Variants in SNX29 observed in about 807,000 individuals in gnomAD.
SNX29 encodes sorting nexin-29.
In SNX29, 78 loss-of-function variants were observed where a neutral mutation model predicts 102.1. The ratio of observed to expected loss-of-function variants is 0.76; its 90% CI spans 0.64 to 0.92. The LOEUF (loss-of-function observed/expected upper bound fraction) is 0.92, where lower values mean the gene tolerates loss of function less well. SNX29 is among the 40% of genes least tolerant of loss of function. SNX29 has a pLI of 0.00. For missense variants in SNX29, 1,280 were observed against 1,061.7 expected (o/e 1.21, Z -2.86); for synonymous variants, 580 against 414.5 (o/e 1.40, Z -4.85).
intron 11 of SNX29, among the ~76,000 whole-genome samples, 174 bp from the exon 12 acceptor site, chr16:12,126,459 A>C (rs2054218007): frequency 6.6e-6 from 1 of 152,238 alleles, no homozygotes; most frequent in Non-Finnish European, 1.5e-5. Flanking sequence ...GTGCTCTAAA[A>C]TCCAGGACCC....
intron 1 of SNX29, among the ~76,000 whole-genome samples, chr16:11,990,319 G>C (rs2055799975): frequency 6.6e-6 from 1 of 152,152 alleles, no homozygotes; most frequent in African/African-American, 2.4e-5. Context: ...TGGTATTGCT[G>C]TGAGGTACTG....
chr16:12,319,118 A>G (rs770706075), intron 15 of SNX29, among the ~76,000 whole-genome samples: 65 of 152,174 alleles, frequency 4.3e-4, no homozygotes, highest in Non-Finnish European at 8.5e-4. Context: ...GCCTGGGCAC[A>G]ACTAGGGGTG....
intron 16 of SNX29, among the ~76,000 whole-genome samples, chr16:12,394,787 A>G (rs181272149): frequency 6.6e-6 from 1 of 152,300 alleles, no homozygotes; most frequent in East Asian, 1.9e-4. Flanking sequence ...TGGGCTCCTG[A>G]TATCTTTACT....
At chr16:12,536,703 C>T (rs759245751) in intron 20 of SNX29, among the ~76,000 whole-genome samples, 12 of 152,122 alleles carry the variant, frequency 7.9e-5, no homozygotes, top group South Asian at 4.1e-4. Flanking sequence ...GGGGGCTGGA[C>T]GTGGTGGCTC....
intron 16 of SNX29, among the ~76,000 whole-genome samples, chr16:12,385,633 A>T (rs1246609466): frequency 6.6e-6 from 1 of 152,238 alleles, no homozygotes; most frequent in Non-Finnish European, 1.5e-5. Flanking sequence ...CCCTGTGTGC[A>T]TCAGCTGTCC....
At chr16:12,342,607 C>G (rs913464081) in intron 15 of SNX29, among the ~76,000 whole-genome samples, 1 of 152,176 alleles carries the variant, frequency 6.6e-6, no homozygotes, top group Non-Finnish European at 1.5e-5. Flanking sequence ...AATCTTGTGT[C>G]TTTTACGAAG....
chr16:12,263,375 G>A (rs763230841), intron 14 of SNX29, among the ~76,000 whole-genome samples: 3 of 152,232 alleles, frequency 2.0e-5, no homozygotes, highest in East Asian at 1.9e-4. Context: ...TGGCCCGCCC[G>A]CCTTGGCCTA....
intron 11 of SNX29, among the ~76,000 whole-genome samples, chr16:12,109,623 G>A (rs1242406914): frequency 1.3e-5 from 2 of 152,158 alleles, no homozygotes; most frequent in East Asian, 3.8e-4. Context: ...CGAAGCTGCT[G>A]TCATCTGGAG....
At chr16:12,277,268 G>A (rs550255698) in intron 14 of SNX29, among the ~76,000 whole-genome samples, 3 of 152,126 alleles carry the variant, frequency 2.0e-5, no homozygotes, top group South Asian at 4.2e-4. Flanking sequence ...CTGCAGCAGG[G>A]TTATGCCTAC....
chr16:12,480,277 C>T (rs1311866729), intron 19 of SNX29, among the ~76,000 whole-genome samples: 1 of 152,210 alleles, frequency 6.6e-6, no homozygotes, highest in Admixed American at 6.5e-5. Flanking sequence ...CCTCTTCCTT[C>T]TGGAGCCCCA....
At chr16:12,167,218 G>A (rs1382065451) in intron 13 of SNX29, among the ~76,000 whole-genome samples, 1 of 152,168 alleles carries the variant, frequency 6.6e-6, no homozygotes, top group East Asian at 1.9e-4. Context: ...TGAGAAGTCT[G>A]GTTCCAGTGG....
chr16:12,375,130 T>G (rs1340666401), intron 16 of SNX29: 1 of 152,154 alleles, frequency 6.6e-6, no homozygotes, highest in Admixed American at 6.5e-5. Context: ...AGAATCCTGG[T>G]GGTGCTTTGT....
At chr16:12,555,136 A>C (rs571705799) in intron 20 of SNX29, among the ~76,000 whole-genome samples, 1 of 151,936 alleles carries the variant, frequency 6.6e-6, no homozygotes, top group South Asian at 2.1e-4. Flanking sequence ...GCTTATTCTC[A>C]GACTTGGTCC....
chr16:12,321,772 A>T (rs1247085262), intron 15 of SNX29, among the ~76,000 whole-genome samples: 1 of 152,148 alleles, frequency 6.6e-6, no homozygotes, highest in Non-Finnish European at 1.5e-5. Context: ...AGAGTCATAG[A>T]TCTAGTTCTC....
chr16:12,414,754 C>T (rs545198407), intron 18 of SNX29, among the ~76,000 whole-genome samples: 2 of 152,136 alleles, frequency 1.3e-5, no homozygotes, highest in South Asian at 2.1e-4. Flanking sequence ...GAGACAGACT[C>T]TGTGTCTCCA....
intron 20 of SNX29, among the ~76,000 whole-genome samples, chr16:12,566,512 C>G (rs910049731): frequency 6.6e-6 from 1 of 152,218 alleles, no homozygotes; most frequent in African/African-American, 2.4e-5. Context: ...AGTGGCTGCT[C>G]AGACCCCGCA....
At chr16:12,227,719 G>A (rs1415467883) in intron 14 of SNX29, among the ~76,000 whole-genome samples, 4 of 151,902 alleles carry the variant, frequency 2.6e-5, no homozygotes, top group Non-Finnish European at 5.9e-5. Context: ...AGCCAACATG[G>A]CGAAACCCAG....
At position 12,573,275 on chromosome 16, in the gene SNX29, C is replaced by T. The variant is rs1244499264; in HGVS notation, c.*4646C>T. The T allele has an allele frequency of 8.8e-6, 2 of 228,048 alleles. No individual in the cohort carries two copies. Among genetic ancestry groups the T allele is most frequent in the Non-Finnish European group, 1.7e-5 (2 of 114,854 alleles). The allele number at this position is 228,048 out of a possible 1,614,324, so 14.1% of individuals were successfully genotyped here. A position where few individuals can be genotyped will look rare whatever the true frequency, so the allele number is the denominator to read the frequency against. ...GATCAGTCATCTCTGGTATTCCTCA[C>T]TCTAGCCATGAGCCATTGCCATCTT... is the stretch of plus-strand genomic sequence containing the variant. On this transcript the variant is annotated 3_prime_UTR_variant, in exon 21 of 21. Transcript: ENST00000566228.
At chr16:12,538,518 C>G (rs779813768) in intron 20 of SNX29, among the ~76,000 whole-genome samples, 1 of 152,132 alleles carries the variant, frequency 6.6e-6, no homozygotes, top group Non-Finnish European at 1.5e-5. Context: ...TATGTGATAA[C>G]ATATTGCTTA....
Sources: allele counts gnomAD v4.1 joint callset (sites outside exome capture counted in the v4.1 genomes callset), GRCh38; gene constraint gnomAD v4.1.1; transcripts MANE v1.5; gene names NCBI Gene and HGNC (gene_info 2026-07-23, HGNC 2026-07-21).